Variants in SLC24A3 observed in about 807,000 individuals in gnomAD.
SLC24A3 encodes sodium/potassium/calcium exchanger 3.
Under a neutral mutation model 75.8 loss-of-function variants are expected in SLC24A3, and 28 were observed. The observed-to-expected ratio is 0.37, with a 90% CI of 0.27 to 0.51. SLC24A3 has a LOEUF of 0.51. Ranked by LOEUF, SLC24A3 falls within the 20% of genes least tolerant of loss-of-function variation. The pLI, the probability that SLC24A3 is intolerant of heterozygous loss-of-function variation, is 0.94. For missense variants in SLC24A3, 663 were observed against 847.8 expected, an observed-to-expected ratio of 0.78 and a Z score of 2.71; for synonymous variants, 372 against 334.1, an observed-to-expected ratio of 1.11 and a Z score of -1.24.
intron 2 of SLC24A3, among the ~76,000 whole-genome samples, chr20:19,457,351 G>A (rs1176112820): frequency 6.6e-6 from 1 of 152,080 alleles, no homozygotes; most frequent in East Asian, 1.9e-4. Context: ...ATTAGGTTGG[G>A]TCATTTTCAA....
intron 1 of SLC24A3, among the ~76,000 whole-genome samples, chr20:19,241,524 G>A (rs760382693): frequency 3.3e-5 from 5 of 152,202 alleles, no homozygotes; most frequent in South Asian, 2.1e-4. Flanking sequence ...ACCCAGTCTC[G>A]CTTTGGCCGG....
At chr20:19,480,898 T>C (rs1392474975) in intron 2 of SLC24A3, among the ~76,000 whole-genome samples, 1 of 152,126 alleles carries the variant, frequency 6.6e-6, no homozygotes, top group Admixed American at 6.6e-5. Flanking sequence ...CCCAGAAAAA[T>C]CCAATAGAAT....
Position 19,261,475 on chromosome 20 carries a change from G to T in SLC24A3, c.143-19484G>T, listed in dbSNP as rs146497515. ...CCACCTCAGCCTCATGAGTAGCTGG[G>T]ACTACAGGTGTGCATCACCACATTC... On this transcript the variant is annotated intron_variant, in intron 1 of 16. Coordinates refer to ENST00000328041, the MANE Select transcript of SLC24A3 (RefSeq NM_020689.4). Among the ~76,000 whole-genome samples the T allele has an allele frequency of 2.2e-3, 342 of 152,158 alleles. 2 individuals are homozygous for T. The highest frequency in any genetic ancestry group is 8.1e-3 in the African/African-American group (337 of 41,508).
At chr20:19,325,431 C>T (rs1031288550) in intron 2 of SLC24A3, among the ~76,000 whole-genome samples, 3 of 151,528 alleles carry the variant, frequency 2.0e-5, no homozygotes, top group Non-Finnish European at 4.4e-5. Flanking sequence ...GGGTGACGAC[C>T]GTGAGACCCT....
intron 2 of SLC24A3, among the ~76,000 whole-genome samples, chr20:19,471,325 C>T (rs1326091677): frequency 2.0e-5 from 3 of 152,190 alleles, no homozygotes; most frequent in African/African-American, 7.2e-5. Context: ...CTGACAGATT[C>T]ACAGAAACTG....
At chr20:19,653,658 G>C (rs952898906) in intron 6 of SLC24A3, among the ~76,000 whole-genome samples, 1 of 152,148 alleles carries the variant, frequency 6.6e-6, no homozygotes, top group Non-Finnish European at 1.5e-5. Context: ...GGGGATGTGA[G>C]ACTCCTCTGA....
chr20:19,332,984 A>G (rs1168942471), intron 2 of SLC24A3, among the ~76,000 whole-genome samples: 2 of 152,182 alleles, frequency 1.3e-5, no homozygotes, highest in Non-Finnish European at 2.9e-5. Flanking sequence ...GTTTTTCTTT[A>G]GCAGGCTAAA....
intron 2 of SLC24A3, among the ~76,000 whole-genome samples, chr20:19,321,330 A>G (rs1472573905): frequency 6.6e-6 from 1 of 152,200 alleles, no homozygotes; most frequent in Non-Finnish European, 1.5e-5. Context: ...CACTTGAGTG[A>G]TGGAGCGAAC....
chr20:19,387,750 C>T lies in SLC24A3; in HGVS notation c.271+106663C>T, dbSNP rs116524892. Among the ~76,000 whole-genome samples the T allele has an allele frequency of 2.3e-3, 346 of 152,144 alleles. 1 individual carries two copies. The highest frequency in any genetic ancestry group is 7.8e-3 in the African/African-American group (325 of 41,506). The stretch of plus-strand genomic sequence containing the variant: ...TTTTGTGGCCTAACATGATCTATCC[C>T]GGGAAACATTTCTTGTGTGCTTGAA... On this transcript the variant is annotated intron_variant, in intron 2 of 16. Coordinates refer to ENST00000328041, the MANE Select transcript of SLC24A3 (RefSeq NM_020689.4).
intron 2 of SLC24A3, among the ~76,000 whole-genome samples, chr20:19,372,666 G>C (rs10485590): frequency 0.059 from 8,929 of 152,252 alleles, 407 homozygotes; most frequent in Non-Finnish European, 0.075. Context: ...TCCTGCTGGA[G>C]TGAGAAAACT....
chr20:19,651,089 G>C lies in SLC24A3; in HGVS notation c.613-2973G>C, dbSNP rs139934474. 4.6e-3 allele frequency among the ~76,000 whole-genome samples: 699 copies of C among 152,094 alleles called. 4 individuals are homozygous for C. The highest frequency in any genetic ancestry group is 0.016 in the African/African-American group (664 of 41,498). On this transcript the variant is annotated intron_variant, in intron 6 of 16. Coordinates refer to ENST00000328041, the MANE Select transcript of SLC24A3 (RefSeq NM_020689.4). ...TTAATTATCATCATAGATTCTGGTT[G>C]CTTGGTATTATGTTTTATTGTAACA...
intron 1 of SLC24A3, among the ~76,000 whole-genome samples, chr20:19,229,840 C>T (rs78728298): frequency 5.3e-5 from 8 of 152,150 alleles, no homozygotes; most frequent in Non-Finnish European, 1.0e-4. Context: ...ATTTTCAGCA[C>T]TATTGGGTCT....
In SLC24A3 at chr20:19,379,145, G is replaced by A. The variant is rs554791301; in HGVS notation, c.271+98058G>A. 3.9e-5 allele frequency among the ~76,000 whole-genome samples: 6 copies of A among 152,182 alleles called. No homozygotes were observed. In the East Asian group the frequency reaches 7.8e-4, roughly 20 times the overall value. On this transcript the variant is annotated intron_variant, in intron 2 of 16. Coordinates refer to ENST00000328041, the MANE Select transcript of SLC24A3 (RefSeq NM_020689.4). ...CATGAGCGGTAAAAATGTGCTCTAC[G>A]GAATGTGATTATTGCTGATTTCATC...
At chr20:19,615,666 C>A (rs1270810503) in intron 6 of SLC24A3, among the ~76,000 whole-genome samples, 1 of 152,212 alleles carries the variant, frequency 6.6e-6, no homozygotes, top group Non-Finnish European at 1.5e-5. Flanking sequence ...GCTACCAGCA[C>A]CAGAACAAAA....
chr20:19,599,950 T>C (rs1297618492), intron 6 of SLC24A3, among the ~76,000 whole-genome samples: 1 of 152,150 alleles, frequency 6.6e-6, no homozygotes, highest in Non-Finnish European at 1.5e-5. Flanking sequence ...AGCTCAGCCA[T>C]GTCCTTGGTA....
intron 3 of SLC24A3, among the ~76,000 whole-genome samples, chr20:19,568,099 C>T (rs1348204072): frequency 6.6e-6 from 1 of 152,170 alleles, no homozygotes; most frequent in African/African-American, 2.4e-5. Context: ...CACTTCACAC[C>T]TATTAGGATG....
At chr20:19,537,859 C>G (rs1293502173) in intron 3 of SLC24A3, among the ~76,000 whole-genome samples, 1 of 137,776 alleles carries the variant, frequency 7.3e-6, no homozygotes, top group Non-Finnish European at 1.5e-5. Flanking sequence ...AGGGGAACAT[C>G]ACACACCGGG....
chr20:19,244,820 T>G (rs1250039730), intron 1 of SLC24A3, among the ~76,000 whole-genome samples: 1 of 152,190 alleles, frequency 6.6e-6, no homozygotes, highest in Non-Finnish European at 1.5e-5. Context: ...AGAGCTGAAC[T>G]TAGAAGCAGG....
At chr20:19,297,463 C>T (rs1314480458) in intron 2 of SLC24A3, among the ~76,000 whole-genome samples, 2 of 152,198 alleles carry the variant, frequency 1.3e-5, no homozygotes, top group Non-Finnish European at 2.9e-5. Flanking sequence ...TTTCTGATAT[C>T]ACCATAGATT....
Sources: allele counts gnomAD v4.1 joint callset (sites outside exome capture counted in the v4.1 genomes callset), GRCh38; gene constraint gnomAD v4.1.1; transcripts MANE v1.5; gene names NCBI Gene and HGNC (gene_info 2026-07-23, HGNC 2026-07-21).